Variants in IGSF11 observed in about 807,000 individuals in gnomAD.
The protein encoded by IGSF11 is immunoglobulin superfamily member 11.
A neutral mutation model predicts 41.0 loss-of-function variants in IGSF11; 22 were observed. The ratio of observed to expected loss-of-function variants is 0.54; its 90% confidence interval spans 0.38 to 0.77. IGSF11 has a LOEUF of 0.77. IGSF11 is among the 30% of genes least tolerant of loss of function. The pLI, the probability that IGSF11 is intolerant of heterozygous loss-of-function variation, is 0.00. For synonymous variants in IGSF11, 219 were observed against 201.3 expected (o/e 1.09, Z -0.74); for missense variants, 444 against 530.8 (o/e 0.84, Z 1.61).
chr3:119,018,629 T>C (rs1464025951), intron 1 of IGSF11, among the ~76,000 whole-genome samples: 1 of 152,244 alleles, frequency 6.6e-6, no homozygotes, highest in Non-Finnish European at 1.5e-5. Flanking sequence ...AACATCTATT[T>C]CTTCACTTGG....
rs116557674 is a variant in IGSF11, at chr3:119,077,722, A to G, written c.49+27422T>C. 3.1e-3 allele frequency among the ~76,000 whole-genome samples: 466 copies of G among 152,318 alleles called. 2 individuals carry two copies. The highest frequency in any genetic ancestry group is 0.011 in the African/African-American group (452 of 41,576). ...AGAAATAAAAGGCAGCCACATAGAA[A>G]GGAGAGGAAGTCAAACTATCTCTTT... On this transcript the variant is annotated intron_variant, in intron 1 of 6. Coordinates refer to the IGSF11 transcript ENST00000354673.
At chr3:119,140,664 TAC>T (rs1559888333) in intron 1 of IGSF11, among the ~76,000 whole-genome samples, 3 of 152,288 alleles carry the variant, frequency 2.0e-5, no homozygotes, top group South Asian at 4.1e-4. Context: ...CAGCAGAATA[TAC>T]ATTCTTTTAA....
rs1935163750 is a variant in IGSF11 at position 118,985,506 on chromosome 3, A to G, written c.52+49025T>C. Among the ~76,000 whole-genome samples, 3 of 152,296 alleles carry G rather than the reference A, an allele frequency of 2.0e-5. No homozygotes were observed. In the South Asian group the frequency reaches 6.2e-4, roughly 32 times the overall value. On this transcript the variant is annotated intron_variant, in intron 1 of 6. Transcript: ENST00000393775. ...TGTGAAGCCCCAGACCTACCTATCAAACTGGCTGCCGGTCTTCCCTCCCCT... is the reference window on the plus strand; with the variant it reads ...TGTGAAGCCCCAGACCTACCTATCAGACTGGCTGCCGGTCTTCCCTCCCCT...
chr3:119,134,316 C>G (rs1446263582), intron 1 of IGSF11, among the ~76,000 whole-genome samples: 1 of 152,092 alleles, frequency 6.6e-6, no homozygotes, highest in East Asian at 1.9e-4. Flanking sequence ...TTAGAAAACC[C>G]CATCGTCTCA....
intron 1 of IGSF11, among the ~76,000 whole-genome samples, chr3:118,991,147 T>C (rs1344349574): frequency 6.6e-6 from 1 of 152,202 alleles, no homozygotes; most frequent in Non-Finnish European, 1.5e-5. Flanking sequence ...TGGGCAAACA[T>C]ACACCATTCT....
intron 1 of IGSF11, among the ~76,000 whole-genome samples, chr3:119,070,458 T>C (rs1007326266): frequency 5.3e-5 from 8 of 152,224 alleles, no homozygotes; most frequent in African/African-American, 1.9e-4. Flanking sequence ...CCAAAATAAC[T>C]ACTGATTAAG....
chr3:119,082,954 A>G (rs2107483184), intron 1 of IGSF11, among the ~76,000 whole-genome samples: 1 of 152,256 alleles, frequency 6.6e-6, no homozygotes, highest in Admixed American at 6.5e-5. Flanking sequence ...GATTATACAG[A>G]CTTAAAATCA....
At chr3:119,125,895 C>A (rs1178826394) in intron 1 of IGSF11, among the ~76,000 whole-genome samples, 1 of 152,186 alleles carries the variant, frequency 6.6e-6, no homozygotes, top group Non-Finnish European at 1.5e-5. Flanking sequence ...AACCGTGCAA[C>A]CCACAGATCA....
chr3:119,125,297 G>A (rs1363753627), intron 1 of IGSF11, among the ~76,000 whole-genome samples: 2 of 152,316 alleles, frequency 1.3e-5, no homozygotes, highest in East Asian at 1.9e-4. Context: ...TATAAGAGAC[G>A]AACTGAGCAG....
intron 1 of IGSF11, among the ~76,000 whole-genome samples, chr3:119,084,496 G>A (rs2076638320): frequency 6.6e-6 from 1 of 152,186 alleles, no homozygotes; most frequent in African/African-American, 2.4e-5. Flanking sequence ...CAGCAAGCAT[G>A]TGTGGGGTAG....
At chr3:119,057,503 C>A (rs1390169334) in intron 1 of IGSF11, among the ~76,000 whole-genome samples, 1 of 152,188 alleles carries the variant, frequency 6.6e-6, no homozygotes, top group Non-Finnish European at 1.5e-5. Flanking sequence ...ACATTCCATG[C>A]TCATGGGTAG....
At chr3:119,009,998 A>C (rs1473043283) in intron 1 of IGSF11, among the ~76,000 whole-genome samples, 2 of 152,218 alleles carry the variant, frequency 1.3e-5, no homozygotes, top group African/African-American at 4.8e-5. Context: ...GAATTTAATA[A>C]AATTAATAAT....
chr3:119,020,025 C>G (rs1025301675), intron 1 of IGSF11, among the ~76,000 whole-genome samples: 4 of 152,124 alleles, frequency 2.6e-5, no homozygotes, highest in African/African-American at 9.7e-5. Context: ...TGTGAGGACA[C>G]CACAAGAAGA....
chr3:119,055,751 C>T (rs1354808611), intron 1 of IGSF11, among the ~76,000 whole-genome samples: 3 of 152,154 alleles, frequency 2.0e-5, no homozygotes, highest in Non-Finnish European at 4.4e-5. Context: ...TGTAAAAGAA[C>T]AGAAATTAGA....
At chr3:119,004,105 G>C (rs1048941884) in intron 1 of IGSF11, among the ~76,000 whole-genome samples, 1 of 149,288 alleles carries the variant, frequency 6.7e-6, no homozygotes, top group African/African-American at 2.5e-5. Context: ...GACTCTTTTT[G>C]GTTGGTAAAC....
intron 1 of IGSF11, among the ~76,000 whole-genome samples, chr3:119,069,914 T>G (rs1375500313): frequency 6.6e-6 from 1 of 152,226 alleles, no homozygotes; most frequent in Non-Finnish European, 1.5e-5. Context: ...TAGCAATGAT[T>G]CACTCGAGTA....
intron 1 of IGSF11, among the ~76,000 whole-genome samples, chr3:119,044,779 C>A (rs1012530148): frequency 6.6e-6 from 1 of 152,108 alleles, no homozygotes; most frequent in Non-Finnish European, 1.5e-5. Context: ...AATTATCAGC[C>A]TAGAATTTTG....
At chr3:119,001,157 C>T (rs1936790844) in intron 1 of IGSF11, among the ~76,000 whole-genome samples, 1 of 151,498 alleles carries the variant, frequency 6.6e-6, no homozygotes, top group Admixed American at 6.6e-5. Context: ...CTTCAATTGG[C>T]ACTTAGTCAT....
intron 1 of IGSF11, among the ~76,000 whole-genome samples, chr3:119,125,404 C>T (rs1246118176): frequency 6.6e-6 from 1 of 152,074 alleles, no homozygotes; most frequent in Admixed American, 6.5e-5. Context: ...ATCATTGGTT[C>T]CTACAGGTTT....
Sources: gnomAD v4.1 joint callset for allele counts (sites outside exome capture counted in the v4.1 genomes callset) on GRCh38, gnomAD v4.1.1 for gene constraint, MANE v1.5 for transcripts, NCBI Gene and HGNC (gene_info 2026-07-23, HGNC 2026-07-21) for gene names.